Variants in KIAA1217 observed in about 807,000 individuals in gnomAD.
The protein encoded by KIAA1217 is KIAA1217.
In KIAA1217, 88 loss-of-function variants were observed where a neutral mutation model predicts 163.9. That is an observed-to-expected ratio of 0.54 (90% CI 0.45 to 0.64). KIAA1217 has a LOEUF of 0.64. KIAA1217 is among the 30% of genes least tolerant of loss of function. The probability of loss-of-function intolerance (pLI) is 0.00; values close to 1 mark genes in which losing one functional copy is unlikely to be tolerated. For synonymous variants in KIAA1217, 903 were observed against 923.1 expected, an observed-to-expected ratio of 0.98 and a Z score of 0.39; for missense variants, 2,372 against 2,475.0, an observed-to-expected ratio of 0.96 and a Z score of 0.88.
intron 1 of KIAA1217, among the ~76,000 whole-genome samples, chr10:23,943,201 A>G (rs1256980825): frequency 6.6e-6 from 1 of 152,148 alleles, no homozygotes; most frequent in East Asian, 1.9e-4. Flanking sequence ...GGGAAAATAA[A>G]AAGTAAAAGC....
intron 1 of KIAA1217, among the ~76,000 whole-genome samples, chr10:23,950,473 C>G (rs1216215103): frequency 7.3e-6 from 1 of 137,398 alleles, no homozygotes; most frequent in African/African-American, 3.2e-5. Context: ...ACGACTCAAT[C>G]ACAGACAGGG....
intron 1 of KIAA1217, among the ~76,000 whole-genome samples, chr10:23,782,625 G>T (rs1835309532): frequency 6.6e-6 from 1 of 152,248 alleles, no homozygotes; most frequent in African/African-American, 2.4e-5. Flanking sequence ...TAGAGACGGG[G>T]TTTCACCATG....
At chr10:24,055,245 C>T (rs1849810035) in intron 2 of KIAA1217, among the ~76,000 whole-genome samples, 1 of 152,056 alleles carries the variant, frequency 6.6e-6, no homozygotes, top group Non-Finnish European at 1.5e-5. Context: ...TCATCCTGGG[C>T]AACAGAGTGA....
In KIAA1217 at chr10:24,546,547, C is replaced by A; in HGVS notation, c.*223C>A. Reference sequence around the variant, plus strand: ...AGTGTCTACAGTCTATACTCAATACCTATAAAATGCAGTAAGCATGTGTTA... The same window carrying A: ...AGTGTCTACAGTCTATACTCAATACATATAAAATGCAGTAAGCATGTGTTA... On this transcript the variant is annotated 3_prime_UTR_variant, in exon 21 of 21. Coordinates refer to ENST00000376454, the MANE Select transcript of KIAA1217 (RefSeq NM_019590.5). 1 of 475,572 alleles carries A rather than the reference C, an allele frequency of 2.1e-6. No individual in the cohort carries two copies. The highest frequency in any genetic ancestry group is 4.1e-5 in the South Asian group (1 of 24,098). 29.5% of individuals were successfully genotyped at this position (475,572 alleles called of 1,614,324 possible). A position where few individuals can be genotyped will look rare whatever the true frequency, so the allele number is the denominator to read the frequency against.
intron 1 of KIAA1217, among the ~76,000 whole-genome samples, chr10:23,901,559 G>A (rs1841954736): frequency 6.6e-6 from 1 of 152,090 alleles, no homozygotes; most frequent in African/African-American, 2.4e-5. Flanking sequence ...ACTTAGGATT[G>A]AATGTATTAT....
intron 1 of KIAA1217, among the ~76,000 whole-genome samples, chr10:23,769,061 TA>T (rs1834679040): frequency 6.6e-6 from 1 of 152,114 alleles, no homozygotes; most frequent in African/African-American, 2.4e-5. Context: ...AGAGAAAGAG[TA>T]ATCCATGCAG....
chr10:24,186,696 G>C (rs542014554), intron 2 of KIAA1217, among the ~76,000 whole-genome samples: 2 of 152,162 alleles, frequency 1.3e-5, no homozygotes, highest in African/African-American at 4.8e-5. Flanking sequence ...TTGAAGACCA[G>C]CCTGGCCAAC....
chr10:24,473,090 C>CA, intron 5 of KIAA1217, 138 bp from the exon 6 acceptor site: 1 of 586,052 alleles, frequency 1.7e-6, no homozygotes, highest in East Asian at 2.9e-5. Context: ...TCTCTTTTGC[C>CA]ATGTAAGGAA....
chr10:24,014,851 G>C (rs1847402237), intron 2 of KIAA1217, among the ~76,000 whole-genome samples: 1 of 151,992 alleles, frequency 6.6e-6, no homozygotes, highest in African/African-American at 2.4e-5. Context: ...AAACCACATT[G>C]AATTGCTGTT....
rs143945204 is a variant in KIAA1217 at position 24,473,902 on chromosome 10, C to T, written c.1521C>T (p.Ser507=). 1.2e-5 allele frequency: 20 copies of T among 1,614,048 alleles called. No individual in the cohort carries two copies. The African/African-American group carries it at 2.3e-4, about 18-fold the overall frequency. Reference sequence around the variant, plus strand: ...TGCAGCCAGACCGGGCCTCTCCGAGCCGCCAGGCCTTTAAAAAGGAGCCAG... The same window carrying T: ...TGCAGCCAGACCGGGCCTCTCCGAGTCGCCAGGCCTTTAAAAAGGAGCCAG... ...HTMQPDRASP[S]RQAFKKEPGT... The change falls in exon 6 of 21, where the codon AGC becomes AGT. Residue 507 remains serine (S), a synonymous_variant. Transcript: ENST00000376454.
intron 2 of KIAA1217, among the ~76,000 whole-genome samples, chr10:24,318,289 G>T (rs1036062345): frequency 6.6e-6 from 1 of 152,180 alleles, no homozygotes; most frequent in Non-Finnish European, 1.5e-5. Context: ...TAGACAGATA[G>T]ACAGACAGAC....
intron 1 of KIAA1217, among the ~76,000 whole-genome samples, chr10:23,810,516 AGATAATCTATATATAGTATATATAG>A (rs1260639050): frequency 0.015 from 2,042 of 137,482 alleles, 25 homozygotes; most frequent in Middle Eastern, 0.044. Context: ...TATATACTAT[AGATAATCTATATATAGTATATATAG>A]TATAATCTAT....
intron 2 of KIAA1217, among the ~76,000 whole-genome samples, chr10:24,301,906 G>C (rs1012253756): frequency 6.6e-6 from 1 of 152,056 alleles, no homozygotes; most frequent in African/African-American, 2.4e-5. Flanking sequence ...TTAGCTGAGC[G>C]TGGTGGCGCC....
intron 1 of KIAA1217, among the ~76,000 whole-genome samples, chr10:23,798,070 T>C (rs1296633899): frequency 6.6e-6 from 1 of 152,178 alleles, no homozygotes; most frequent in African/African-American, 2.4e-5. Flanking sequence ...TTTTGCCTCT[T>C]CCATTCAAAC....
At chr10:24,089,229 C>T (rs1823915165) in intron 2 of KIAA1217, among the ~76,000 whole-genome samples, 1 of 124,634 alleles carries the variant, frequency 8.0e-6, no homozygotes, top group Admixed American at 7.8e-5. Context: ...CAAAAATTTT[C>T]TCCCATTCTG....
chr10:23,726,614 G>A (rs1038752175), intron 1 of KIAA1217, among the ~76,000 whole-genome samples: 9 of 151,972 alleles, frequency 5.9e-5, no homozygotes, highest in African/African-American at 2.2e-4. Flanking sequence ...GAGTGAACAG[G>A]CAACCTACAG....
intron 3 of KIAA1217, among the ~76,000 whole-genome samples, chr10:24,419,691 A>G (rs1363641403): frequency 1.3e-5 from 2 of 152,170 alleles, no homozygotes; most frequent in East Asian, 3.9e-4. Flanking sequence ...TTACACTTTT[A>G]AAGTAAAATA....
intron 2 of KIAA1217, among the ~76,000 whole-genome samples, chr10:24,075,415 T>G (rs541454154): frequency 2.9e-4 from 44 of 152,146 alleles, no homozygotes; most frequent in African/African-American, 1.1e-3. Context: ...TTGAGTTTAT[T>G]CTTTCCAGTT....
intron 2 of KIAA1217, among the ~76,000 whole-genome samples, chr10:24,278,011 A>T (rs115936406): frequency 1.8e-4 from 28 of 152,208 alleles, no homozygotes; most frequent in African/African-American, 6.5e-4. Context: ...TTGTCCTTTG[A>T]GGACGGACGC....
Sources: allele counts gnomAD v4.1 joint callset (sites outside exome capture counted in the v4.1 genomes callset), GRCh38; gene constraint gnomAD v4.1.1; transcripts MANE v1.5; gene names NCBI Gene and HGNC (gene_info 2026-07-23, HGNC 2026-07-21).